Variants in ERI1 observed in about 807,000 individuals in gnomAD.
The protein encoded by ERI1 is 3'-5' exoribonuclease 1.
Under a neutral mutation model 39.7 loss-of-function variants are expected in ERI1, and 39 were observed. The observed-to-expected ratio is 0.98, with a 90% confidence interval of 0.76 to 1.28. The LOEUF is 1.28. ERI1 is among the 50% of genes most tolerant of loss of function. The pLI is 0.00. For missense variants in ERI1, 581 were observed against 416.9 expected, an observed-to-expected ratio of 1.39 and a Z score of -3.43; for synonymous variants, 204 against 149.6, an observed-to-expected ratio of 1.36 and a Z score of -2.65.
chr8:9,054,017 T>C (rs112420898), intron 3 of ERI1, among the ~76,000 whole-genome samples: 1 of 145,842 alleles, frequency 6.9e-6, no homozygotes, highest in African/African-American at 2.6e-5. Context: ...GCATTCAAAG[T>C]TCTAAGGCCT....
At position 9,030,089 on chromosome 8, in the gene ERI1, A is replaced by G. The variant is rs2117303158; in HGVS notation, c.*55A>G. 5.6e-6 allele frequency: 9 copies of G among 1,598,822 alleles called. No individual in the cohort carries two copies. The highest frequency in any genetic ancestry group is 4.5e-5 in the East Asian group (2 of 44,574). ...TGAAGTTGCTATGAAGAGGTAGCAG[A>G]TGAATCTCATTGAATTAGTCCTGTA... On this transcript the variant is annotated 3_prime_UTR_variant, in exon 7 of 7. Transcript: ENST00000250263.
At chr8:9,049,968 G>A (rs1295379595) in intron 3 of ERI1, 1 of 152,138 alleles carries the variant, frequency 6.6e-6, no homozygotes, top group African/African-American at 2.4e-5. Context: ...CATTTGGCTA[G>A]GATGAGTTCT....
intron 3 of ERI1, among the ~76,000 whole-genome samples, chr8:9,043,683 C>T (rs1349391048): frequency 6.6e-6 from 1 of 152,198 alleles, no homozygotes; most frequent in Non-Finnish European, 1.5e-5. Context: ...CAGTGACACA[C>T]TATCCATAAT....
intron 3 of ERI1, among the ~76,000 whole-genome samples, chr8:9,083,507 A>G (rs543557465): frequency 6.6e-6 from 1 of 152,334 alleles, no homozygotes; most frequent in Admixed American, 6.5e-5. Context: ...GAACAGTGCG[A>G]TGAACCACCT....
intron 3 of ERI1, among the ~76,000 whole-genome samples, chr8:9,040,616 A>T (rs1011629496): frequency 6.6e-6 from 1 of 152,164 alleles, no homozygotes; most frequent in African/African-American, 2.4e-5. Flanking sequence ...GAAGGTTTCA[A>T]GGTGGCCCTA....
downstream of ERI1, among the ~76,000 whole-genome samples, chr8:9,038,160 C>T (rs1008300001): frequency 5.9e-5 from 9 of 152,184 alleles, no homozygotes; most frequent in African/African-American, 1.9e-4. Flanking sequence ...TTAGTACCAT[C>T]ATCTGCATAG....
intron 3 of ERI1, among the ~76,000 whole-genome samples, chr8:9,070,160 A>G (rs1390199415): frequency 6.6e-6 from 1 of 151,872 alleles, no homozygotes; most frequent in Non-Finnish European, 1.5e-5. Flanking sequence ...AATCACTTGA[A>G]CCTGGGAGGC....
chr8:9,039,707 A>G (rs1414597597), intron 3 of ERI1, among the ~76,000 whole-genome samples: 1 of 152,212 alleles, frequency 6.6e-6, no homozygotes, highest in African/African-American at 2.4e-5. Flanking sequence ...TGTTAATAAT[A>G]TTAACTTTTA....
intron 5 of ERI1, among the ~76,000 whole-genome samples, chr8:9,019,852 A>C (rs1444048815): frequency 6.6e-6 from 1 of 152,228 alleles, no homozygotes; most frequent in Admixed American, 6.5e-5. Context: ...ACCACGTAGG[A>C]ACCAACACAA....
Position 9,040,942 on chromosome 8 carries a change from C to A in ERI1, n.299+20478C>A, listed in dbSNP as rs909401765. ...AACACCTGGGTTAGCATTATTCCCA[C>A]CTCGGTCTAGTGCTTACTCAGTCCT... On this transcript the variant is annotated intron_variant and non_coding_transcript_variant, in intron 3 of 3. Transcript: ENST00000518663. Among the ~76,000 whole-genome samples, 3 of 152,186 alleles carry A rather than the reference C, an allele frequency of 2.0e-5. No homozygotes were observed. The South Asian group carries it at 6.2e-4, about 31-fold the overall frequency.
chr8:9,028,444 G>A (rs13271797), intron 6 of ERI1, among the ~76,000 whole-genome samples: 70,942 of 151,902 alleles, frequency 0.47, 18,138 homozygotes, highest in African/African-American at 0.63. Flanking sequence ...ATAATTATAG[G>A]TGTTTTACAT....
intron 3 of ERI1, among the ~76,000 whole-genome samples, chr8:9,089,854 A>G (rs1336711339): frequency 6.6e-6 from 1 of 152,068 alleles, no homozygotes; most frequent in Non-Finnish European, 1.5e-5. Flanking sequence ...GTTCAGGTGC[A>G]TTTTGCTGGT....
chr8:9,003,006 A>G lies in ERI1; in HGVS notation c.-58A>G, dbSNP rs1815530801. 1.8e-6 allele frequency: 2 copies of G among 1,107,596 alleles called. No homozygotes were observed. The highest frequency in any genetic ancestry group is 1.2e-6 in the Non-Finnish European group (1 of 863,996). The allele number at this position is 1,107,596 out of a possible 1,614,324, so 68.6% of individuals were successfully genotyped here. On this transcript the variant is annotated 5_prime_UTR_variant, in exon 1 of 7. Coordinates refer to ENST00000250263, the MANE Select transcript of ERI1 (RefSeq NM_153332.4). ...GAAAGGCGAGGCTTTCGGGCTCTGC[A>G]GAGTGAGAGTTAGCAAGTGTCCGGC...
At position 9,031,661 on chromosome 8, in the gene ERI1, A is replaced by C. The variant is rs1053551177; in HGVS notation, c.*1627A>C. 2.0e-5 allele frequency: 3 copies of C among 152,128 alleles called. No homozygotes were observed. Among genetic ancestry groups the C allele is most frequent in the African/African-American group, 7.2e-5 (3 of 41,424 alleles). The allele number at this position is 152,128 out of a possible 1,614,324, so 9.4% of individuals were successfully genotyped here. ...TCCAGTTTTTTTAGCTCTATCTGCT[A>C]ATTTCTTTGCCTGTTTTCACTTTCG... On this transcript the variant is annotated 3_prime_UTR_variant, in exon 7 of 7. Coordinates refer to ENST00000250263, the MANE Select transcript of ERI1 (RefSeq NM_153332.4).
chr8:9,051,766 C>A (rs916229167), intron 3 of ERI1, among the ~76,000 whole-genome samples: 1 of 152,042 alleles, frequency 6.6e-6, no homozygotes, highest in South Asian at 2.1e-4. Context: ...TGTAAGTGTC[C>A]TATGTAGTTA....
downstream of ERI1, among the ~76,000 whole-genome samples, chr8:9,036,460 C>T (rs951927814): frequency 6.6e-6 from 1 of 152,152 alleles, no homozygotes; most frequent in East Asian, 1.9e-4. Flanking sequence ...TTACCTTTTT[C>T]TAGAAATTTA....
intron 3 of ERI1, among the ~76,000 whole-genome samples, chr8:9,052,453 A>G (rs765234106): frequency 3.9e-5 from 6 of 152,222 alleles, no homozygotes; most frequent in Non-Finnish European, 8.8e-5. Flanking sequence ...ACTCGCCTAG[A>G]GCACTGAGTC....
chr8:9,062,905 T>G (rs1211520831), intron 3 of ERI1: 1 of 152,082 alleles, frequency 6.6e-6, no homozygotes, highest in African/African-American at 2.4e-5. Flanking sequence ...TGTAGCAAGC[T>G]CCTGGGGGAG....
At chr8:9,055,715 A>G (rs777109978) in intron 3 of ERI1, among the ~76,000 whole-genome samples, 17 of 151,968 alleles carry the variant, frequency 1.1e-4, no homozygotes, top group Non-Finnish European at 2.2e-4. Flanking sequence ...AATTTTTTGT[A>G]TTTTTAGTAC....
Sources: allele counts gnomAD v4.1 joint callset (sites outside exome capture counted in the v4.1 genomes callset), GRCh38; gene constraint gnomAD v4.1.1; transcripts MANE v1.5; gene names NCBI Gene and HGNC (gene_info 2026-07-23, HGNC 2026-07-21).